Variants in SVOP observed in about 807,000 individuals in gnomAD.
The protein encoded by SVOP is synaptic vesicle 2-related protein.
A neutral mutation model predicts 69.1 loss-of-function variants in SVOP; 17 were observed. That is an observed-to-expected ratio of 0.25 (90% CI 0.17 to 0.37). The LOEUF (loss-of-function observed/expected upper bound fraction) is 0.37. Ranked by LOEUF, SVOP falls within the 10% of genes least tolerant of loss-of-function variation. The pLI, the probability that SVOP is intolerant of heterozygous loss-of-function variation, is 1.00. For synonymous variants in SVOP, 238 were observed against 238.6 expected, an observed-to-expected ratio of 1.00 and a Z score of 0.02; for missense variants, 435 against 597.5, an observed-to-expected ratio of 0.73 and a Z score of 2.84.
chr12:108,932,352 T>A (rs2039825941), intron 11 of SVOP, among the ~76,000 whole-genome samples: 1 of 151,912 alleles, frequency 6.6e-6, no homozygotes, highest in South Asian at 2.1e-4. Context: ...CACCTTAAAA[T>A]ACTATTAGGC....
intron 11 of SVOP, among the ~76,000 whole-genome samples, chr12:108,924,559 C>T (rs1183513853): frequency 6.6e-6 from 1 of 152,156 alleles, no homozygotes; most frequent in Admixed American, 6.5e-5. Flanking sequence ...CATCTCATCA[C>T]TGCTGAGACA....
chr12:108,985,415 T>C (rs2040161459), intron 1 of SVOP, among the ~76,000 whole-genome samples: 1 of 152,192 alleles, frequency 6.6e-6, no homozygotes, highest in Admixed American at 6.5e-5. Context: ...CTCACGCCTA[T>C]AATCTCCACA....
At chr12:108,932,544 T>A (rs1325149072) in intron 11 of SVOP, among the ~76,000 whole-genome samples, 1 of 152,164 alleles carries the variant, frequency 6.6e-6, no homozygotes, top group African/African-American at 2.4e-5. Context: ...TGAAATCAGT[T>A]AAGAGTAACT....
At chr12:108,967,055 G>A (rs145415675) in intron 5 of SVOP, among the ~76,000 whole-genome samples, 5,516 of 152,240 alleles carry the variant, frequency 0.036, 341 homozygotes, top group African/African-American at 0.13. Flanking sequence ...ACCTACAGAT[G>A]AGAAAACTGA....
chr12:108,959,405 G>A (rs2040004298), intron 6 of SVOP, among the ~76,000 whole-genome samples: 1 of 145,008 alleles, frequency 6.9e-6, no homozygotes, highest in Admixed American at 7.2e-5. Flanking sequence ...TCAGGCTGGA[G>A]TGCAGCAGTA....
chr12:108,932,534 T>C (rs2039827787), intron 11 of SVOP, among the ~76,000 whole-genome samples: 1 of 152,156 alleles, frequency 6.6e-6, no homozygotes, highest in African/African-American at 2.4e-5. Flanking sequence ...GCGAGCAAAC[T>C]GAAATCAGTT....
Position 108,916,031 on chromosome 12 carries a change from A to G in SVOP, c.1351-159T>C, listed in dbSNP as rs545372886. ...TAAGGGACAGGGATCCTCACCCCAA[A>G]GGGCATGGGAGGCTCAACTCAGACC... On this transcript the variant is annotated intron_variant, in intron 14 of 15. Transcript: ENST00000610966. 8.5e-4 allele frequency among the ~76,000 whole-genome samples: 129 copies of G among 152,290 alleles called. 1 individual carries two copies. The highest frequency in any genetic ancestry group is 3.7e-3 in the South Asian group (18 of 4,826).
chr12:109,009,011 G>A (rs1190885194), intron 1 of SVOP, among the ~76,000 whole-genome samples: 1 of 144,098 alleles, frequency 6.9e-6, no homozygotes, highest in Non-Finnish European at 1.5e-5. Flanking sequence ...ACCCAGGCTG[G>A]AGTGCAGTGG....
chr12:108,991,786 A>AAAC (rs1555252752), intron 1 of SVOP, among the ~76,000 whole-genome samples: 15 of 150,544 alleles, frequency 1.0e-4, no homozygotes, highest in South Asian at 2.1e-4. Context: ...AAAAAAAACA[A>AAAC]AAAAAAAAGA....
At chr12:108,922,286 C>T (rs1158104047) in intron 12 of SVOP, among the ~76,000 whole-genome samples, 1 of 152,192 alleles carries the variant, frequency 6.6e-6, no homozygotes, top group Non-Finnish European at 1.5e-5. Context: ...TATTTGGGTT[C>T]CCTAAGCTTG....
intron 6 of SVOP, among the ~76,000 whole-genome samples, chr12:108,949,692 T>C (rs554301683): frequency 1.3e-5 from 2 of 151,862 alleles, no homozygotes; most frequent in South Asian, 2.1e-4. Context: ...CTCCCTTACT[T>C]CTTTCCTTCT....
Position 108,915,835 on chromosome 12 carries a change from G to A in SVOP, c.1388C>T (p.Thr463Ile), listed in dbSNP as rs764446418. ...PTATRALGLG[T>I]CSGMARVGAL... ...ACCCACTCTTGCCATGCCGCTGCAG[G>A]TGCCCAGGCCGAGGGCCCGCGTTGC... Residue 463 changes from threonine (T) to isoleucine (I), a missense_variant, in exon 15 of 16, where the codon ACC (threonine) becomes ATC (isoleucine). Physicochemically the swap from Thr to Ile is moderately conservative, Grantham distance 89. Transcript: ENST00000610966. 1.2e-6 allele frequency: 2 copies of A among 1,608,938 alleles called. No homozygotes were observed. The highest frequency in any genetic ancestry group is 2.2e-5 in the East Asian group (1 of 44,506).
intron 11 of SVOP, among the ~76,000 whole-genome samples, chr12:108,925,840 CCTT>C (rs2137394249): frequency 6.6e-6 from 1 of 152,200 alleles, no homozygotes; most frequent in African/African-American, 2.4e-5. Flanking sequence ...TTGAATTTCA[CCTT>C]CTCATTGAGG....
chr12:108,921,349 G>T (rs1424111825), intron 12 of SVOP, among the ~76,000 whole-genome samples: 1 of 152,196 alleles, frequency 6.6e-6, no homozygotes, highest in Non-Finnish European at 1.5e-5. Flanking sequence ...GGGGTACTCA[G>T]TATCATAGTT....
At chr12:108,938,705 A>T (rs1357974216) in intron 9 of SVOP, 122 bp downstream of exon 9, 1 of 1,507,672 alleles carries the variant, frequency 6.6e-7, no homozygotes, top group East Asian at 2.3e-5. Flanking sequence ...GCACGCACAC[A>T]CCCCACCTTG....
At chr12:108,952,060 A>T (rs1313109600) in intron 6 of SVOP, among the ~76,000 whole-genome samples, 1 of 152,110 alleles carries the variant, frequency 6.6e-6, no homozygotes, top group Non-Finnish European at 1.5e-5. Context: ...GTGCCCCATG[A>T]TTCAGTGGAC....
chr12:108,913,343 G>A (rs1335708519), intron 15 of SVOP, among the ~76,000 whole-genome samples: 2 of 152,216 alleles, frequency 1.3e-5, no homozygotes, highest in African/African-American at 4.8e-5. Flanking sequence ...TTGCAGGCAT[G>A]AGCCAACACG....
intron 15 of SVOP, 134 bp from the exon 16 acceptor site, chr12:108,912,875 T>C (rs1334387179): frequency 1.1e-6 from 1 of 933,050 alleles, no homozygotes; most frequent in Non-Finnish European, 1.6e-6. Context: ...GATTCCCTCC[T>C]CTCCCCCTTT....
chr12:108,944,935 A>G (rs1423952230), intron 7 of SVOP, among the ~76,000 whole-genome samples, 168 bp downstream of exon 7: 2 of 152,210 alleles, frequency 1.3e-5, no homozygotes, highest in Non-Finnish European at 2.9e-5. Context: ...CCTTATTGCA[A>G]AACGGGCATG....
Sources: gnomAD v4.1 joint callset for allele counts (sites outside exome capture counted in the v4.1 genomes callset) on GRCh38, gnomAD v4.1.1 for gene constraint, MANE v1.5 for transcripts, NCBI Gene and HGNC (gene_info 2026-07-23, HGNC 2026-07-21) for gene names.